The following GRM1 variants were observed in gnomAD, a reference collection of about 807,000 sequenced individuals.
GRM1 encodes the protein glutamate metabotropic receptor 1.
Under a neutral mutation model 90.9 loss-of-function variants are expected in GRM1, and 33 were observed. The ratio of observed to expected loss-of-function variants is 0.36; its 90% CI spans 0.28 to 0.49. The LOEUF (loss-of-function observed/expected upper bound fraction) is 0.49. Among genes scored for constraint, GRM1 ranks in the 20% least tolerant of loss-of-function variants. The pLI is 0.99. For synonymous variants in GRM1, 700 were observed against 613.2 expected (o/e 1.14, Z -2.09); for missense variants, 1,190 against 1,534.3 (o/e 0.78, Z 3.75).
chr6:146,375,422 G>C (rs1776058420), intron 5 of GRM1, among the ~76,000 whole-genome samples: 1 of 151,988 alleles, frequency 6.6e-6, no homozygotes, highest in Admixed American at 6.6e-5. Context: ...TTGTTTTATA[G>C]TGCAGATTAA....
intron 5 of GRM1, among the ~76,000 whole-genome samples, chr6:146,382,319 AT>A (rs1776345852): frequency 3.6e-5 from 2 of 55,880 alleles, no homozygotes; most frequent in Admixed American, 5.2e-4. Context: ...AGAACCTAAG[AT>A]TTAAAAAAAA....
intron 2 of GRM1, among the ~76,000 whole-genome samples, chr6:146,303,901 G>A (rs1583298235): frequency 1.3e-5 from 2 of 152,138 alleles, no homozygotes; most frequent in East Asian, 3.9e-4. Flanking sequence ...ATTACGTCTG[G>A]TAGATAGGAA....
intron 6 of GRM1, among the ~76,000 whole-genome samples, chr6:146,389,419 C>CG (rs1776635060): frequency 6.6e-6 from 1 of 151,658 alleles, no homozygotes; most frequent in African/African-American, 2.4e-5. Flanking sequence ...GATAAAAAAG[C>CG]TTTTTAAAAA....
intron 3 of GRM1, among the ~76,000 whole-genome samples, chr6:146,323,868 T>C (rs1211807883): frequency 6.6e-6 from 1 of 152,222 alleles, no homozygotes; most frequent in Non-Finnish European, 1.5e-5. Context: ...CCATTGCTTG[T>C]TTTTCTCAGG....
At chr6:146,397,480 AAAAG>A (rs1474571884) in intron 6 of GRM1, among the ~76,000 whole-genome samples, 2,246 of 139,966 alleles carry the variant, frequency 0.016, 303 homozygotes, top group African/African-American at 0.064. Flanking sequence ...TCTCAAAAAA[AAAAG>A]AAAAAAAAAA....
Position 146,070,139 on chromosome 6 carries a change from T to C in GRM1, c.700+39922T>C, listed in dbSNP as rs74703072. ...ATCTCAGAAAAGTTTCTGAAAACAC[T>C]TCTTTATCTTTCCTCCAGTGCTCTT... On this transcript the variant is annotated intron_variant, in intron 1 of 7. Coordinates refer to ENST00000282753, the MANE Select transcript of GRM1 (RefSeq NM_001278064.2). Among the ~76,000 whole-genome samples, 685 of 152,300 alleles carry C rather than the reference T, an allele frequency of 4.5e-3. 5 individuals carry two copies. The highest frequency in any genetic ancestry group is 0.016 in the African/African-American group (652 of 41,568).
intron 1 of GRM1, among the ~76,000 whole-genome samples, chr6:146,074,834 T>A (rs1259358653): frequency 6.6e-6 from 1 of 152,186 alleles, no homozygotes; most frequent in Admixed American, 6.5e-5. Context: ...TTAATGACTT[T>A]AAACCATGGT....
intron 1 of GRM1, among the ~76,000 whole-genome samples, chr6:146,038,984 T>G (rs1055463091): frequency 1.3e-5 from 2 of 152,020 alleles, no homozygotes; most frequent in African/African-American, 4.8e-5. Context: ...TTTCAGGTTT[T>G]GGTTAACAGG....
chr6:146,136,130 A>ATATAC (rs1312294304), intron 1 of GRM1, among the ~76,000 whole-genome samples: 2 of 152,236 alleles, frequency 1.3e-5, no homozygotes, highest in Non-Finnish European at 1.5e-5. Context: ...GTTATGGCTG[A>ATATAC]ACAGTACTTC....
intron 2 of GRM1, among the ~76,000 whole-genome samples, chr6:146,270,277 G>C (rs1782065799): frequency 6.6e-6 from 1 of 152,020 alleles, no homozygotes; most frequent in African/African-American, 2.4e-5. Flanking sequence ...TTTTCAAAAA[G>C]AGATGATCAG....
chr6:146,094,318 T>G (rs535158487), intron 1 of GRM1, among the ~76,000 whole-genome samples: 1 of 152,190 alleles, frequency 6.6e-6, no homozygotes, highest in Non-Finnish European at 1.5e-5. Flanking sequence ...AGCCTGTCCC[T>G]CTAGGTTATA....
chr6:146,072,892 G>A (rs1252254171), intron 1 of GRM1, among the ~76,000 whole-genome samples: 1 of 152,050 alleles, frequency 6.6e-6, no homozygotes, highest in Non-Finnish European at 1.5e-5. Flanking sequence ...GGGATATGAA[G>A]ATTAATAAGA....
At chr6:146,346,171 A>T (rs1319476375) in intron 3 of GRM1, among the ~76,000 whole-genome samples, 2 of 152,248 alleles carry the variant, frequency 1.3e-5, no homozygotes, top group Non-Finnish European at 2.9e-5. Context: ...TTTTCAGAGA[A>T]TCAAGATCTA....
intron 7 of GRM1, among the ~76,000 whole-genome samples, chr6:146,406,444 T>A (rs1197004921): frequency 6.6e-6 from 1 of 152,134 alleles, no homozygotes; most frequent in Admixed American, 6.5e-5. Flanking sequence ...AAGGGACAAA[T>A]GAGGGAAAGC....
chr6:146,382,026 C>G (rs1258171877), intron 5 of GRM1, among the ~76,000 whole-genome samples: 2 of 152,062 alleles, frequency 1.3e-5, no homozygotes, highest in Non-Finnish European at 2.9e-5. Flanking sequence ...ATCACCTAGT[C>G]TCACTAACAA....
intron 2 of GRM1, among the ~76,000 whole-genome samples, chr6:146,234,683 T>C (rs577583145): frequency 2.6e-5 from 4 of 152,280 alleles, no homozygotes; most frequent in South Asian, 2.1e-4. Flanking sequence ...TATGTTTGCT[T>C]GTGACAATTA....
rs534693917 is a variant in GRM1, at chr6:146,246,270, G to C, written c.951-58341G>C. On this transcript the variant is annotated intron_variant, in intron 2 of 7. Coordinates refer to ENST00000282753, the MANE Select transcript of GRM1 (RefSeq NM_001278064.2). ...TGCTCAGATGACACTGCCAGGGCTT[G>C]ACCAGAGTACTTTGCTGTAGATGAG... 2.6e-5 allele frequency among the ~76,000 whole-genome samples: 4 copies of C among 152,280 alleles called. No individual in the cohort carries two copies. In the South Asian group the frequency reaches 8.3e-4, roughly 32 times the overall value.
At chr6:146,255,229 C>T (rs1781438091) in intron 2 of GRM1, among the ~76,000 whole-genome samples, 1 of 151,976 alleles carries the variant, frequency 6.6e-6, no homozygotes, top group African/African-American at 2.4e-5. Context: ...ATATTTTGGC[C>T]TAAGATGTTG....
At chr6:146,305,729 C>T (rs1783556347) in intron 3 of GRM1, among the ~76,000 whole-genome samples, 1 of 152,140 alleles carries the variant, frequency 6.6e-6, no homozygotes, top group African/African-American at 2.4e-5. Context: ...CATGTATATC[C>T]TGTATGTAGG....
Sources: allele counts gnomAD v4.1 joint callset (sites outside exome capture counted in the v4.1 genomes callset), GRCh38; gene constraint gnomAD v4.1.1; transcripts MANE v1.5; gene names NCBI Gene and HGNC (gene_info 2026-07-23, HGNC 2026-07-21).